The following PRKN variants were observed in gnomAD, a reference collection of about 807,000 sequenced individuals.
PRKN encodes the protein parkin RBR E3 ubiquitin protein ligase, also known as E3 ubiquitin-protein ligase parkin.
A neutral mutation model predicts 59.5 loss-of-function variants in PRKN; 56 were observed. That is an observed-to-expected ratio of 0.94 (90% CI 0.76 to 1.18). The LOEUF (loss-of-function observed/expected upper bound fraction) is 1.18, where lower values mean the gene tolerates loss of function less well. PRKN is among the 50% of genes most tolerant of loss of function. The pLI, the probability that PRKN is intolerant of heterozygous loss-of-function variation, is 0.00. For missense variants in PRKN, 657 were observed against 596.4 expected, an observed-to-expected ratio of 1.10 and a Z score of -1.06; for synonymous variants, 250 against 222.1, an observed-to-expected ratio of 1.13 and a Z score of -1.12.
rs1157713340 is a variant in PRKN at position 161,488,136 on chromosome 6, G to C, written c.1083+60718C>G. On this transcript the variant is annotated intron_variant, in intron 9 of 11. Coordinates refer to ENST00000366898, the MANE Select transcript of PRKN (RefSeq NM_004562.3). This position sits in a 1 kb window ranked among gnomAD's most constrained non-coding sequence, Gnocchi z 4.5. Reference sequence around the variant, plus strand: ...GCATGGTCTAAGCAGGCCTCTCCTGGGAGGGGACACCTGTTTAGAGGGCTA... The same window carrying C: ...GCATGGTCTAAGCAGGCCTCTCCTGCGAGGGGACACCTGTTTAGAGGGCTA... Among the ~76,000 whole-genome samples the C allele has an allele frequency of 1.3e-5, 2 of 152,188 alleles. No homozygotes were observed. The highest frequency in any genetic ancestry group is 2.9e-5 in the Non-Finnish European group (2 of 68,038).
intron 1 of PRKN, among the ~76,000 whole-genome samples, chr6:162,560,556 T>A (rs1019872280): frequency 3.9e-5 from 6 of 152,134 alleles, no homozygotes; most frequent in Non-Finnish European, 5.9e-5. Context: ...ACTTAAGAAA[T>A]GAAGTGATTT....
intron 7 of PRKN, among the ~76,000 whole-genome samples, chr6:161,650,976 T>C (rs749821580): frequency 2.0e-5 from 3 of 152,346 alleles, no homozygotes; most frequent in African/African-American, 4.8e-5. Flanking sequence ...AATACGTTTA[T>C]TATATTATAA....
intron 5 of PRKN, among the ~76,000 whole-genome samples, chr6:161,981,653 T>C (rs1781261720): frequency 1.3e-5 from 2 of 152,372 alleles, no homozygotes; most frequent in South Asian, 4.1e-4. Flanking sequence ...TTCTTTATTG[T>C]GTCTTAGCCT....
intron 5 of PRKN, among the ~76,000 whole-genome samples, chr6:162,015,500 G>C (rs1782902587): frequency 6.6e-6 from 1 of 152,142 alleles, no homozygotes; most frequent in Non-Finnish European, 1.5e-5. Flanking sequence ...TCCAGTTTCA[G>C]CCACAGCCTA....
chr6:162,246,667 A>G (rs1779211787), intron 3 of PRKN, among the ~76,000 whole-genome samples: 1 of 152,136 alleles, frequency 6.6e-6, no homozygotes, highest in Admixed American at 6.6e-5. Context: ...TCAGTGTTAA[A>G]TATGTGATAA....
chr6:162,683,550 A>C (rs1584042635), intron 1 of PRKN, among the ~76,000 whole-genome samples: 2 of 152,292 alleles, frequency 1.3e-5, no homozygotes, highest in Admixed American at 1.3e-4. Flanking sequence ...TCATTAGCAA[A>C]GTAACTATAA....
At chr6:161,695,420 C>T (rs1161659470) in intron 7 of PRKN, among the ~76,000 whole-genome samples, 1 of 152,124 alleles carries the variant, frequency 6.6e-6, no homozygotes, top group African/African-American at 2.4e-5. Flanking sequence ...TTGCTCTTTG[C>T]CCACTTCTTG....
Position 161,560,161 on chromosome 6 carries a change from C to T in PRKN, c.933+9194G>A, listed in dbSNP as rs1780403206. On this transcript the variant is annotated intron_variant, in intron 8 of 11. Transcript: ENST00000366898. This position sits in a 1 kb window ranked among gnomAD's most constrained non-coding sequence, Gnocchi z 4.9. The stretch of plus-strand genomic sequence containing the variant: ...TTCCATGCTTCCCTCTCTCCTAAGC[C>T]TTTTTTCTGTGTCCCCTGAAATTCC... Among the ~76,000 whole-genome samples, 1 of 152,150 alleles carries T rather than the reference C, an allele frequency of 6.6e-6. No homozygotes were observed. The highest frequency in any genetic ancestry group is 2.4e-5 in the African/African-American group (1 of 41,416).
intron 5 of PRKN, among the ~76,000 whole-genome samples, chr6:161,979,987 T>C (rs1341748814): frequency 6.6e-6 from 1 of 152,158 alleles, no homozygotes; most frequent in African/African-American, 2.4e-5. Context: ...TATAAACACA[T>C]TTACGATCAG....
chr6:162,463,204 T>C (rs1231375010), intron 1 of PRKN, among the ~76,000 whole-genome samples: 1 of 152,214 alleles, frequency 6.6e-6, no homozygotes, highest in African/African-American at 2.4e-5. Flanking sequence ...CCTCTGTTAT[T>C]AAATGATGAG....
chr6:161,757,443 CAG>C (rs1788973847), intron 7 of PRKN, among the ~76,000 whole-genome samples: 1 of 151,886 alleles, frequency 6.6e-6, no homozygotes, highest in African/African-American at 2.4e-5. Flanking sequence ...GCCTGAACGA[CAG>C]AGACTCCGTG....
At position 161,359,501 on chromosome 6, in the gene PRKN, G is replaced by A. The variant is rs930444724; in HGVS notation, c.1285+587C>T. ...GTGCCGCTGACTCTGCCTTGCACAC[G>A]TACAAGTGCATCACATTGAGAAAGG... is the stretch of plus-strand genomic sequence containing the variant. On this transcript the variant is annotated intron_variant, in intron 11 of 11. Transcript: ENST00000366898. This position sits in a 1 kb window ranked among gnomAD's most constrained non-coding sequence, Gnocchi z 5.4. Among the ~76,000 whole-genome samples the A allele has an allele frequency of 3.3e-5, 5 of 152,200 alleles. No homozygotes were observed. The highest frequency in any genetic ancestry group is 1.9e-4 in the East Asian group (1 of 5,196).
chr6:162,388,774 C>T (rs1056318465), intron 2 of PRKN, among the ~76,000 whole-genome samples: 2 of 152,268 alleles, frequency 1.3e-5, no homozygotes. Flanking sequence ...GGGGGCCCTT[C>T]TCTACTCTGC....
intron 2 of PRKN, among the ~76,000 whole-genome samples, chr6:162,292,732 C>G (rs545617873): frequency 1.6e-4 from 24 of 152,116 alleles, no homozygotes; most frequent in Non-Finnish European, 3.2e-4. Flanking sequence ...CTTCCTTAGA[C>G]CCACCAGGAT....
intron 9 of PRKN, among the ~76,000 whole-genome samples, chr6:161,495,292 G>A (rs745373743): frequency 5.3e-5 from 8 of 152,274 alleles, no homozygotes; most frequent in South Asian, 2.1e-4. Flanking sequence ...CTAGGGGAGG[G>A]AAGGAATCCT....
rs113160883 is a variant in PRKN, at chr6:161,496,519, T to C, written c.1083+52335A>G. Among the ~76,000 whole-genome samples the C allele has an allele frequency of 3.1e-3, 478 of 152,348 alleles. 2 individuals are homozygous for C. Among genetic ancestry groups the C allele is most frequent in the African/African-American group, 0.01 (433 of 41,580 alleles). ...AGGAGCAAAGGCACGTCTTACGTGGTGGCAGGCAAGAGAGCATGTGCAGGG... is the reference window on the plus strand; with the variant it reads ...AGGAGCAAAGGCACGTCTTACGTGGCGGCAGGCAAGAGAGCATGTGCAGGG... On this transcript the variant is annotated intron_variant, in intron 9 of 11. Coordinates refer to ENST00000366898, the MANE Select transcript of PRKN (RefSeq NM_004562.3).
chr6:161,766,900 C>T lies in PRKN; in HGVS notation c.871+18872G>A, dbSNP rs577552894. Among the ~76,000 whole-genome samples, 5 of 152,234 alleles carry T rather than the reference C, an allele frequency of 3.3e-5. No homozygotes were observed. In the East Asian group the frequency reaches 5.8e-4, roughly 18 times the overall value. On this transcript the variant is annotated intron_variant, in intron 7 of 11. Coordinates refer to ENST00000366898, the MANE Select transcript of PRKN (RefSeq NM_004562.3). ...AAAATGAACTTTACAGTCAGGCAGA[C>T]CTATGTTTACATTTAGCTTCTGAGA...
intron 1 of PRKN, among the ~76,000 whole-genome samples, chr6:162,665,887 A>G (rs1176155596): frequency 6.6e-6 from 1 of 152,128 alleles, no homozygotes; most frequent in Non-Finnish European, 1.5e-5. Flanking sequence ...CACATCTATA[A>G]CCATCTGATC....
chr6:162,612,900 G>C (rs138315110), intron 1 of PRKN, among the ~76,000 whole-genome samples: 1 of 152,188 alleles, frequency 6.6e-6, no homozygotes, highest in East Asian at 1.9e-4. Context: ...TCAATTGTAG[G>C]TTTGCAACTA....
Sources: gnomAD v4.1 joint callset for allele counts (sites outside exome capture counted in the v4.1 genomes callset) on GRCh38, gnomAD v4.1.1 for gene constraint, Gnocchi (gnomAD v3.1) non-coding constraint, MANE v1.5 for transcripts, NCBI Gene and HGNC (gene_info 2026-07-23, HGNC 2026-07-21) for gene names.